Variants in CFAP61 observed in about 807,000 individuals in gnomAD.
CFAP61 encodes the protein cilia and flagella associated protein 61, also known as cilia- and flagella-associated protein 61.
Under a neutral mutation model 135.6 loss-of-function variants are expected in CFAP61, and 107 were observed. The ratio of observed to expected loss-of-function variants is 0.79; its 90% CI spans 0.67 to 0.93. CFAP61 has a LOEUF of 0.93. Among genes scored for constraint, CFAP61 ranks in the 40% least tolerant of loss-of-function variants. The probability of loss-of-function intolerance (pLI) is 0.00; values close to 1 mark genes in which losing one functional copy is unlikely to be tolerated. For missense variants in CFAP61, 1,507 were observed against 1,556.2 expected (o/e 0.97, Z 0.53); for synonymous variants, 575 against 578.5 (o/e 0.99, Z 0.09).
intron 8 of CFAP61, among the ~76,000 whole-genome samples, chr20:20,100,046 C>T (rs1316681025): frequency 6.6e-6 from 1 of 152,140 alleles, no homozygotes. Flanking sequence ...GCTTGCCATG[C>T]TTCCCAGAGA....
Position 20,199,888 on chromosome 20 carries a change from G to A in CFAP61, c.1918G>A (p.Val640Ile). 1 of 1,614,066 alleles carries A rather than the reference G, an allele frequency of 6.2e-7. No homozygotes were observed. Among genetic ancestry groups the A allele is most frequent in the Non-Finnish European group, 8.5e-7 (1 of 1,180,044 alleles). The change falls in exon 17 of 27, where the codon GTC becomes ATC. Residue 640 changes from valine (V) to isoleucine (I), a missense_variant. Val to Ile is a conservative substitution (Grantham distance 29, BLOSUM62 3). Transcript: ENST00000245957. Reference protein sequence around the residue: ...KLGINAPSKAVSKDPMSYALN... With the variant: ...KLGINAPSKAISKDPMSYALN... ...TGGCATAAACGCTCCATCAAAGGCG[G>A]TCTCCAAGGATCCGGTGGGTAGCAG...
chr20:20,289,068 A>G (rs992596010), intron 23 of CFAP61, 132 bp downstream of exon 23: 2 of 623,598 alleles, frequency 3.2e-6, no homozygotes, highest in Non-Finnish European at 5.5e-6. Context: ...TGCCACAGAG[A>G]CAGAGAAAGG....
chr20:20,320,577 G>A (rs1010936374), intron 25 of CFAP61, among the ~76,000 whole-genome samples: 1 of 119,874 alleles, frequency 8.3e-6, no homozygotes, highest in South Asian at 2.6e-4. Context: ...ATCTTTTAGA[G>A]ATACATACTG....
intron 9 of CFAP61, among the ~76,000 whole-genome samples, chr20:20,150,437 G>C (rs779882431): frequency 2.2e-4 from 34 of 152,134 alleles, no homozygotes; most frequent in Non-Finnish European, 4.4e-4. Flanking sequence ...CTCCTGGCTT[G>C]AGGCCAACCA....
At chr20:20,291,292 A>G (rs1431875675) in intron 24 of CFAP61, among the ~76,000 whole-genome samples, 1 of 152,228 alleles carries the variant, frequency 6.6e-6, no homozygotes, top group Non-Finnish European at 1.5e-5. Flanking sequence ...TCACTGCCCT[A>G]AGAACCCTCT....
intron 17 of CFAP61, chr20:20,225,388 T>C (rs2048669479): frequency 1.3e-5 from 2 of 152,354 alleles, no homozygotes; most frequent in Non-Finnish European, 2.9e-5. Context: ...CTGATCACTC[T>C]CCTGAGACAC....
chr20:20,220,779 T>A (rs546553757), intron 17 of CFAP61, among the ~76,000 whole-genome samples: 10 of 152,346 alleles, frequency 6.6e-5, no homozygotes, highest in African/African-American at 2.4e-4. Context: ...AGAAGGGTAC[T>A]GTTTAATAGG....
In CFAP61 at chr20:20,199,766, A is replaced by G; in HGVS notation, c.1798-2A>G. 6.2e-7 allele frequency: 1 copy of G among 1,613,962 alleles called. No homozygotes were observed. The highest frequency in any genetic ancestry group is 2.2e-5 in the East Asian group (1 of 44,868). ...CCTAAAATATAGATTGCTGTCTTTC[A>G]GTTCCAGAACCCCTACGCCCACTCC... On this transcript the variant is annotated splice_acceptor_variant, in intron 16 of 26. Coordinates refer to ENST00000245957, the MANE Select transcript of CFAP61 (RefSeq NM_015585.4). LOFTEE classifies it high-confidence loss of function.
intron 14 of CFAP61, among the ~76,000 whole-genome samples, chr20:20,189,225 AATT>A (rs2055735239): frequency 6.6e-6 from 1 of 151,452 alleles, no homozygotes; most frequent in Admixed American, 6.6e-5. Flanking sequence ...CATCAGAGTA[AATT>A]GAAATAAAAC....
rs201416287 is a variant in CFAP61, at chr20:20,288,820, G to C, written c.3008G>C (p.Gly1003Ala). 8.3e-5 allele frequency: 134 copies of C among 1,614,008 alleles called. No individual in the cohort carries two copies. The highest frequency in any genetic ancestry group is 9.0e-5 in the Non-Finnish European group (106 of 1,180,014). ...AGCAACTTCAGTTCCAAAGAAATTG[G>C]CTTTCAGCTGGCAGCAGCTATGCTA... is the stretch of plus-strand genomic sequence containing the variant. ...THSNFSSKEI[G>A]FQLAAAMLHL... is the part of the protein sequence containing the mutation. Residue 1003 changes from glycine to alanine, a missense_variant, in exon 23 of 27, where the codon GGC (glycine) becomes GCC (alanine). By Grantham distance (60) the Gly-to-Ala change is moderately conservative. Coordinates refer to ENST00000245957, the MANE Select transcript of CFAP61 (RefSeq NM_015585.4).
At chr20:20,105,551 C>T (rs1345989761) in intron 8 of CFAP61, among the ~76,000 whole-genome samples, 1 of 152,184 alleles carries the variant, frequency 6.6e-6, no homozygotes, top group Non-Finnish European at 1.5e-5. Flanking sequence ...CAGACAGTGG[C>T]AGCAAAGTCG....
At chr20:20,142,429 C>G (rs1236894355) in intron 8 of CFAP61, among the ~76,000 whole-genome samples, 1 of 152,202 alleles carries the variant, frequency 6.6e-6, no homozygotes. Context: ...CACCTTCTGC[C>G]TGGAGATCAT....
intron 26 of CFAP61, among the ~76,000 whole-genome samples, chr20:20,356,006 T>G (rs1602173651): frequency 2.8e-4 from 29 of 102,108 alleles, no homozygotes; most frequent in South Asian, 7.3e-4. Context: ...TGAGGGGAGG[T>G]GGTCACACTG....
intron 26 of CFAP61, among the ~76,000 whole-genome samples, chr20:20,350,289 A>C (rs1443571102): frequency 6.6e-6 from 1 of 152,240 alleles, no homozygotes; most frequent in Non-Finnish European, 1.5e-5. Flanking sequence ...AAAGTTACAC[A>C]CAGAATTACC....
At chr20:20,358,404 G>A (rs1044318269) in intron 26 of CFAP61, among the ~76,000 whole-genome samples, 2 of 152,162 alleles carry the variant, frequency 1.3e-5, no homozygotes, top group Admixed American at 6.5e-5. Flanking sequence ...GTGGTTTTAC[G>A]CTATTTAACC....
intron 6 of CFAP61, among the ~76,000 whole-genome samples, chr20:20,077,341 C>T (rs1183908306): frequency 1.3e-5 from 2 of 152,216 alleles, no homozygotes; most frequent in South Asian, 2.1e-4. Context: ...CTGCTGATTA[C>T]ACTTTTGTGA....
At chr20:20,168,490 C>G (rs1728202036) in intron 12 of CFAP61, among the ~76,000 whole-genome samples, 1 of 152,118 alleles carries the variant, frequency 6.6e-6, no homozygotes, top group South Asian at 2.1e-4. Flanking sequence ...AATACAAGTA[C>G]TAAATTTTCA....
intron 13 of CFAP61, 68 bp downstream of exon 13, chr20:20,169,528 C>G (rs1161787535): frequency 3.8e-6 from 5 of 1,315,666 alleles, no homozygotes; most frequent in Admixed American, 2.5e-5. Flanking sequence ...ACAAGGAACT[C>G]CCTGCTATTA....
At chr20:20,347,192 C>A (rs1348040400) in intron 26 of CFAP61, among the ~76,000 whole-genome samples, 1 of 152,080 alleles carries the variant, frequency 6.6e-6, no homozygotes, top group Non-Finnish European at 1.5e-5. Flanking sequence ...ATTAGAAATG[C>A]TAATAGATGA....
Sources: gnomAD v4.1 joint callset for allele counts (sites outside exome capture counted in the v4.1 genomes callset) on GRCh38, gnomAD v4.1.1 for gene constraint, MANE v1.5 for transcripts, NCBI Gene and HGNC (gene_info 2026-07-23, HGNC 2026-07-21) for gene names.